The following ASTN2 variants were observed in gnomAD, a reference collection of about 807,000 sequenced individuals.
The protein encoded by ASTN2 is astrotactin-2.
Under a neutral mutation model 139.8 loss-of-function variants are expected in ASTN2, and 54 were observed. The observed-to-expected ratio is 0.39, with a 90% CI of 0.31 to 0.48. The LOEUF (loss-of-function observed/expected upper bound fraction) is 0.48, where lower values mean the gene tolerates loss of function less well. Ranked by LOEUF, ASTN2 falls within the 20% of genes least tolerant of loss-of-function variation. The pLI is 0.95. For missense variants in ASTN2, 1,565 were observed against 1,725.1 expected (o/e 0.91, Z 1.64); for synonymous variants, 756 against 719.5 (o/e 1.05, Z -0.81).
intron 11 of ASTN2, 102 bp downstream of exon 11, chr9:116,863,481 G>T: frequency 6.8e-7 from 1 of 1,468,212 alleles, no homozygotes. Flanking sequence ...GGGTAGTGTG[G>T]ATATGATCCT....
At chr9:117,311,229 GAAAA>G (rs67365219) in intron 1 of ASTN2, among the ~76,000 whole-genome samples, 99 of 140,932 alleles carry the variant, frequency 7.0e-4, no homozygotes, top group East Asian at 1.9e-3. Flanking sequence ...TAGGCTTACA[GAAAA>G]AAAAAAAAAA....
At chr9:116,554,684 T>C (rs1277468087) in intron 19 of ASTN2, among the ~76,000 whole-genome samples, 2 of 152,186 alleles carry the variant, frequency 1.3e-5, no homozygotes, top group Non-Finnish European at 2.9e-5. Flanking sequence ...TCTAGAATTT[T>C]ATAAAATTCT....
At chr9:116,537,578 G>T (rs1851697201) in intron 19 of ASTN2, among the ~76,000 whole-genome samples, 1 of 152,138 alleles carries the variant, frequency 6.6e-6, no homozygotes, top group Non-Finnish European at 1.5e-5. Flanking sequence ...ATTAAAATTT[G>T]GTGAAAGCTA....
intron 2 of ASTN2, among the ~76,000 whole-genome samples, chr9:117,261,226 G>T (rs1833814537): frequency 6.6e-6 from 1 of 152,126 alleles, no homozygotes; most frequent in Middle Eastern, 3.2e-3. Context: ...CTCAGTTTTG[G>T]CAGCATAATT....
intron 13 of ASTN2, among the ~76,000 whole-genome samples, chr9:116,785,499 C>A (rs979596847): frequency 2.0e-5 from 3 of 152,276 alleles, no homozygotes; most frequent in Middle Eastern, 6.8e-3. Context: ...CTATGGTCTA[C>A]TTGTATAAAT....
At chr9:116,608,744 CAA>C (rs998512710) in intron 19 of ASTN2, among the ~76,000 whole-genome samples, 3 of 152,024 alleles carry the variant, frequency 2.0e-5, no homozygotes, top group Non-Finnish European at 4.4e-5. Flanking sequence ...ACCTGGCATG[CAA>C]AGAGGCAGGA....
chr9:116,431,852 G>A (rs1374285029), intron 22 of ASTN2, among the ~76,000 whole-genome samples: 1 of 152,076 alleles, frequency 6.6e-6, no homozygotes, highest in Admixed American at 6.6e-5. Context: ...CTGCTGTAAG[G>A]CATCAAAACA....
chr9:116,595,260 A>G (rs771752450), intron 19 of ASTN2, among the ~76,000 whole-genome samples: 37 of 152,324 alleles, frequency 2.4e-4, no homozygotes, highest in Middle Eastern at 3.4e-3. Context: ...ACTTCCCACA[A>G]TGCTTACAAA....
intron 1 of ASTN2, among the ~76,000 whole-genome samples, chr9:117,316,538 G>T (rs907351026): frequency 6.6e-6 from 1 of 152,144 alleles, no homozygotes; most frequent in Admixed American, 6.5e-5. Flanking sequence ...CTTGACCATG[G>T]TACTATATAT....
chr9:116,843,771 G>A (rs928976716), intron 11 of ASTN2, among the ~76,000 whole-genome samples: 13 of 151,988 alleles, frequency 8.6e-5, no homozygotes, highest in African/African-American at 2.7e-4. Context: ...GAGGTGAAAG[G>A]GAAGAAACAG....
At chr9:116,989,847 G>A (rs1836798580) in intron 7 of ASTN2, among the ~76,000 whole-genome samples, 1 of 152,088 alleles carries the variant, frequency 6.6e-6, no homozygotes, top group African/African-American at 2.4e-5. Flanking sequence ...GCCTCCCAAA[G>A]TGCTGGGATT....
rs141449159 is a variant in ASTN2 at position 117,244,275 on chromosome 9, A to T, written c.631-29533T>A. ...TATAGCAGTGTGAGAACAGTCTAATACAGTACACCTGTAACTAACAACTAC... is the reference window on the plus strand; with the variant it reads ...TATAGCAGTGTGAGAACAGTCTAATTCAGTACACCTGTAACTAACAACTAC... On this transcript the variant is annotated intron_variant, in intron 2 of 22. Transcript: ENST00000313400. 7.2e-5 allele frequency among the ~76,000 whole-genome samples: 11 copies of T among 152,238 alleles called. No homozygotes were observed. In the East Asian group the frequency reaches 2.1e-3, roughly 29 times the overall value.
rs1564169250 is a variant in ASTN2 at position 116,632,236 on chromosome 9, A to AGAAGGAAG, written c.3073-11794_3073-11793insCTTCCTTC. Among the ~76,000 whole-genome samples the AGAAGGAAG allele has an allele frequency of 3.8e-5, 5 of 129,972 alleles. No homozygotes were observed. The South Asian group carries it at 9.7e-4, about 25-fold the overall frequency. 85.3% of individuals were successfully genotyped at this position (129,972 alleles called of 152,430 possible). ...AAGAAAGAAAGAAAGAAAGAAAGAA[A>AGAAGGAAG]GAAAGAAAGAAAGAAGGAAAGAAAG... is the stretch of plus-strand genomic sequence containing the variant. On this transcript the variant is annotated intron_variant, in intron 17 of 22. Transcript: ENST00000313400.
chr9:117,389,855 CAA>C (rs80110134), intron 1 of ASTN2, among the ~76,000 whole-genome samples: 12 of 129,494 alleles, frequency 9.3e-5, no homozygotes, highest in Non-Finnish European at 1.7e-5. Context: ...TACTGAGTGA[CAA>C]AAAAAAAAAA....
At chr9:117,304,371 C>G (rs1237152762) in intron 1 of ASTN2, among the ~76,000 whole-genome samples, 1 of 152,168 alleles carries the variant, frequency 6.6e-6, no homozygotes, top group Admixed American at 6.5e-5. Flanking sequence ...TTCACCTACC[C>G]TCTCCTCCCC....
chr9:116,463,561 C>A (rs1014426199), intron 20 of ASTN2, among the ~76,000 whole-genome samples: 1 of 152,168 alleles, frequency 6.6e-6, no homozygotes, highest in African/African-American at 2.4e-5. Flanking sequence ...GCCTATAATG[C>A]CTGTCACCTC....
At chr9:117,236,729 T>C (rs561830829) in intron 2 of ASTN2, among the ~76,000 whole-genome samples, 15 of 152,326 alleles carry the variant, frequency 9.8e-5, no homozygotes, top group Middle Eastern at 3.4e-3. Flanking sequence ...AGCTCTACCA[T>C]TGATCCCATG....
chr9:117,317,548 T>C (rs1828181781), intron 1 of ASTN2, among the ~76,000 whole-genome samples: 2 of 152,170 alleles, frequency 1.3e-5, no homozygotes, highest in African/African-American at 4.8e-5. Flanking sequence ...CTCCTGCCCA[T>C]AGTTAGTTAA....
chr9:116,738,980 C>A (rs760378087), intron 13 of ASTN2, among the ~76,000 whole-genome samples: 1 of 151,514 alleles, frequency 6.6e-6, no homozygotes, highest in Admixed American at 6.6e-5. Context: ...CAAACAGTGG[C>A]TCTGCTGCTG....
Sources: gnomAD v4.1 joint callset for allele counts (sites outside exome capture counted in the v4.1 genomes callset) on GRCh38, gnomAD v4.1.1 for gene constraint, MANE v1.5 for transcripts, NCBI Gene and HGNC (gene_info 2026-07-23, HGNC 2026-07-21) for gene names.